TBC1D32: variants seen among roughly 807,000 people sequenced by gnomAD.
The protein encoded by TBC1D32 is protein broad-minded.
In TBC1D32, 151 loss-of-function variants were observed where a neutral mutation model predicts 170.3. The ratio of observed to expected loss-of-function variants is 0.89; its 90% CI spans 0.78 to 1.01. The LOEUF is 1.01. Ranked by LOEUF, TBC1D32 falls within the 50% of genes least tolerant of loss-of-function variation. The pLI is 0.00. For missense variants in TBC1D32, 1,464 were observed against 1,457.1 expected, an observed-to-expected ratio of 1.00 and a Z score of -0.08; for synonymous variants, 498 against 488.0, an observed-to-expected ratio of 1.02 and a Z score of -0.27.
chr6:121,245,798 C>A (rs1435543035), intron 17 of TBC1D32, among the ~76,000 whole-genome samples: 2 of 151,810 alleles, frequency 1.3e-5, no homozygotes, highest in Non-Finnish European at 2.9e-5. Flanking sequence ...CTACTTGAAA[C>A]ATCAACATTC....
chr6:121,290,037 A>G (rs7757350), intron 12 of TBC1D32, among the ~76,000 whole-genome samples: 14,272 of 152,238 alleles, frequency 0.094, 1,166 homozygotes, highest in African/African-American at 0.22. Flanking sequence ...ACCTAAAACC[A>G]TAAAAACCCT....
intron 15 of TBC1D32, among the ~76,000 whole-genome samples, chr6:121,272,466 A>C (rs145747349): frequency 0.033 from 4,992 of 152,244 alleles, 199 homozygotes; most frequent in East Asian, 0.12. Flanking sequence ...ATAGACACTT[A>C]TCAAAAGAAG....
chr6:121,120,496 T>C (rs1419133020), intron 26 of TBC1D32, among the ~76,000 whole-genome samples: 1 of 152,060 alleles, frequency 6.6e-6, no homozygotes, highest in Non-Finnish European at 1.5e-5. Context: ...CCCACTTTGG[T>C]CATGCAAATT....
At chr6:121,084,060 T>C (rs2128168143) in intron 31 of TBC1D32, among the ~76,000 whole-genome samples, 1 of 152,218 alleles carries the variant, frequency 6.6e-6, no homozygotes, top group East Asian at 1.9e-4. Context: ...GAATTCTTTG[T>C]ATGACTTTTT....
intron 17 of TBC1D32, among the ~76,000 whole-genome samples, chr6:121,246,985 T>G (rs1054373974): frequency 6.6e-5 from 10 of 151,838 alleles, no homozygotes; most frequent in Non-Finnish European, 1.3e-4. Context: ...CCTGGAAAAT[T>G]CATTGGGAAA....
chr6:121,282,133 G>A (rs1803107793), intron 13 of TBC1D32, among the ~76,000 whole-genome samples: 1 of 151,608 alleles, frequency 6.6e-6, no homozygotes, highest in Non-Finnish European at 1.5e-5. Context: ...ATGGGAAAAA[G>A]GAGGCAGAAG....
chr6:121,125,563 G>A (rs1045254985), intron 26 of TBC1D32, among the ~76,000 whole-genome samples: 7 of 152,072 alleles, frequency 4.6e-5, no homozygotes, highest in South Asian at 4.2e-4. Context: ...TTGCAACGGG[G>A]GGGTCAGAGC....
At chr6:121,196,997 A>G (rs1232222830) in intron 22 of TBC1D32, among the ~76,000 whole-genome samples, 2 of 152,168 alleles carry the variant, frequency 1.3e-5, no homozygotes, top group African/African-American at 2.4e-5. Context: ...AGGGAGGAAC[A>G]TTGCCACCAG....
At chr6:121,156,771 C>T (rs1784946800) in intron 24 of TBC1D32, among the ~76,000 whole-genome samples, 1 of 152,094 alleles carries the variant, frequency 6.6e-6, no homozygotes, top group African/African-American at 2.4e-5. Flanking sequence ...TCATTGTTCA[C>T]TCAAGGGTTA....
At chr6:121,306,458 G>A (rs1327397792) in intron 5 of TBC1D32, among the ~76,000 whole-genome samples, 2 of 152,120 alleles carry the variant, frequency 1.3e-5, no homozygotes, top group Non-Finnish European at 2.9e-5. Context: ...GTGTCTAAAC[G>A]AGAATGATAC....
intron 22 of TBC1D32, among the ~76,000 whole-genome samples, chr6:121,182,602 G>A (rs1310199143): frequency 6.6e-6 from 1 of 152,004 alleles, no homozygotes; most frequent in East Asian, 1.9e-4. Flanking sequence ...CAGCACTTGA[G>A]TAACAGAATT....
chr6:121,266,279 G>C (rs927403420), intron 15 of TBC1D32, among the ~76,000 whole-genome samples: 2 of 152,064 alleles, frequency 1.3e-5, no homozygotes, highest in African/African-American at 4.8e-5. Context: ...CTTCTCAAAA[G>C]AAGACATTTA....
chr6:121,263,270 A>G (rs979829005), intron 15 of TBC1D32, among the ~76,000 whole-genome samples: 1 of 152,148 alleles, frequency 6.6e-6, no homozygotes, highest in African/African-American at 2.4e-5. Context: ...GGAGAGCAGA[A>G]AAAAAGCAGG....
chr6:121,296,915 ATC>A (rs1805727203), intron 10 of TBC1D32, among the ~76,000 whole-genome samples: 1 of 152,044 alleles, frequency 6.6e-6, no homozygotes, highest in African/African-American at 2.4e-5. Flanking sequence ...CTCCAAAATA[ATC>A]TCTCTCAAAG....
chr6:121,275,420 T>TA (rs1358402084), intron 15 of TBC1D32, among the ~76,000 whole-genome samples: 1 of 152,172 alleles, frequency 6.6e-6, no homozygotes, highest in East Asian at 1.9e-4. Flanking sequence ...GGACAAATGA[T>TA]ATGGAAAGGA....
chr6:121,168,858 C>T (rs1005406955), intron 22 of TBC1D32, among the ~76,000 whole-genome samples: 1 of 151,692 alleles, frequency 6.6e-6, no homozygotes, highest in South Asian at 2.1e-4. Flanking sequence ...CTACAGCTAA[C>T]AAGAGAAGTG....
chr6:121,202,279 G>GAAAAAAAAAAA, intron 22 of TBC1D32, among the ~76,000 whole-genome samples: 1 of 114,008 alleles, frequency 8.8e-6, no homozygotes, highest in Non-Finnish European at 1.7e-5. Flanking sequence ...ACTAGAGAAT[G>GAAAAAAAAAAA]AAAAAAAAAA....
chr6:121,277,514 C>G (rs150990449), intron 15 of TBC1D32, among the ~76,000 whole-genome samples: 1 of 118,860 alleles, frequency 8.4e-6, no homozygotes, highest in Admixed American at 8.2e-5. Context: ...AAAAAAACCA[C>G]AAGGGTCAAA....
chr6:121,271,148 C>T (rs565662685), intron 15 of TBC1D32, among the ~76,000 whole-genome samples: 2 of 152,208 alleles, frequency 1.3e-5, no homozygotes, highest in Non-Finnish European at 1.5e-5. Context: ...AAACCCACAG[C>T]CAATATCATA....
Sources: allele counts gnomAD v4.1 joint callset (sites outside exome capture counted in the v4.1 genomes callset), GRCh38; gene constraint gnomAD v4.1.1; transcripts MANE v1.5; gene names NCBI Gene and HGNC (gene_info 2026-07-23, HGNC 2026-07-21).